Variants in MON2 observed in about 807,000 individuals in gnomAD.
MON2 encodes protein MON2 homolog.
A neutral mutation model predicts 208.6 loss-of-function variants in MON2; 84 were observed. The observed-to-expected ratio is 0.40, with a 90% CI of 0.34 to 0.48. The LOEUF (loss-of-function observed/expected upper bound fraction) is 0.48, where lower values mean the gene tolerates loss of function less well. Ranked by LOEUF, MON2 falls within the 20% of genes least tolerant of loss-of-function variation. The pLI is 0.59. For synonymous variants in MON2, 660 were observed against 694.0 expected, an observed-to-expected ratio of 0.95 and a Z score of 0.77; for missense variants, 1,611 against 2,015.4, an observed-to-expected ratio of 0.80 and a Z score of 3.84.
At chr12:62,509,597 C>G (rs1415115496) in intron 8 of MON2, among the ~76,000 whole-genome samples, 5 of 152,186 alleles carry the variant, frequency 3.3e-5, no homozygotes, top group African/African-American at 1.2e-4. Context: ...AATACACATT[C>G]TTTTCAAGTG....
intron 8 of MON2, among the ~76,000 whole-genome samples, chr12:62,521,750 C>G (rs963520368): frequency 2.6e-5 from 4 of 152,166 alleles, no homozygotes; most frequent in African/African-American, 9.7e-5. Context: ...GAATTTCTCA[C>G]TCATTAGGTA....
chr12:62,569,923 GA>G (rs2074525238), intron 29 of MON2, among the ~76,000 whole-genome samples: 1 of 152,192 alleles, frequency 6.6e-6, no homozygotes, highest in Non-Finnish European at 1.5e-5. Context: ...GGAAGATGAT[GA>G]TATTTGGTTT....
intron 2 of MON2, 39 bp downstream of exon 2, chr12:62,484,272 T>C (rs1026718745): frequency 7.7e-7 from 1 of 1,291,940 alleles, no homozygotes; most frequent in Admixed American, 2.0e-5. Context: ...TAAACAAAAA[T>C]TTGACTAATA....
Position 62,594,247 on chromosome 12 carries a change from A to C in MON2, c.*1498A>C, listed in dbSNP as rs1196448530. 1 of 152,168 alleles carries C rather than the reference A, an allele frequency of 6.6e-6. No individual in the cohort carries two copies. Among genetic ancestry groups the C allele is most frequent in the Non-Finnish European group, 1.5e-5 (1 of 67,988 alleles). The allele number at this position is 152,168 out of a possible 1,614,324, so 9.4% of individuals were successfully genotyped here. ...TTTCAGCTTCTCCAGAATAATCATAAAACTGCAAAAAGATATTATAATTGA... is the reference window on the plus strand; with the variant it reads ...TTTCAGCTTCTCCAGAATAATCATACAACTGCAAAAAGATATTATAATTGA... On this transcript the variant is annotated 3_prime_UTR_variant, in exon 35 of 35. Transcript: ENST00000393630.
At chr12:62,469,925 T>TATTTATTTATTTA (rs2068710316) in intron 1 of MON2, among the ~76,000 whole-genome samples, 1 of 137,964 alleles carries the variant, frequency 7.2e-6, no homozygotes, top group Non-Finnish European at 1.6e-5. Context: ...TTTATTTATT[T>TATTTATTTATTTA]GAGACAGGAT....
At chr12:62,517,320 A>G (rs1274455775) in intron 8 of MON2, among the ~76,000 whole-genome samples, 2 of 152,196 alleles carry the variant, frequency 1.3e-5, no homozygotes, top group Non-Finnish European at 2.9e-5. Context: ...TCTTCATAGT[A>G]ACAAATGCAA....
chr12:62,524,723 G>A, intron 9 of MON2, 84 bp downstream of exon 9: 2 of 1,306,878 alleles, frequency 1.5e-6, no homozygotes, highest in Non-Finnish European at 2.1e-6. Flanking sequence ...TAATAAACTA[G>A]TCAGAAGACT....
rs1002474569 is a variant in MON2, at chr12:62,556,122, G to A, written c.3339G>A (p.Glu1113=). The A allele has an allele frequency of 2.5e-6, 4 of 1,613,966 alleles. No individual in the cohort carries two copies. The African/African-American group carries it at 5.3e-5, about 22-fold the overall frequency. ...SRDTAEKQWA[E]TWVLTLAGVA... is the part of the protein sequence containing the mutation. Reference sequence around the variant, plus strand: ...ACACCGCCGAGAAGCAATGGGCTGAGACGTGGGTATTAACATTGGCTGGAG... The same window carrying A: ...ACACCGCCGAGAAGCAATGGGCTGAAACGTGGGTATTAACATTGGCTGGAG... The change falls in exon 25 of 35, where the codon GAG becomes GAA. Residue 1113 remains glutamate (E), a synonymous_variant. Coordinates refer to ENST00000393630, the MANE Select transcript of MON2 (RefSeq NM_015026.3).
Position 62,525,956 on chromosome 12 carries a change from T to C in MON2, c.1254T>C (p.Asn418=). 6.2e-7 allele frequency: 1 copy of C among 1,612,376 alleles called. No individual in the cohort carries two copies. Among genetic ancestry groups the C allele is most frequent in the Non-Finnish European group, 8.5e-7 (1 of 1,179,386 alleles). The change falls in exon 11 of 35, where the codon AAT becomes AAC. Residue 418 remains asparagine (N), a synonymous_variant. Transcript: ENST00000393630. Reference sequence around the variant, plus strand: ...TCCCTTCTTCTCTAACAGGAAACAATAATTTAGGTGGCTCAGTCTCAGCAC... The same window carrying C: ...TCCCTTCTTCTCTAACAGGAAACAACAATTTAGGTGGCTCAGTCTCAGCAC... ...NPATSNQAGN[N]NLGGSVSAPA...
At chr12:62,554,602 C>T (rs772667011) in intron 24 of MON2, among the ~76,000 whole-genome samples, 25 of 152,176 alleles carry the variant, frequency 1.6e-4, no homozygotes, top group South Asian at 4.1e-4. Flanking sequence ...TCAAGCGATC[C>T]TCCCACCTCA....
chr12:62,598,075 T>C lies in MON2; in HGVS notation c.*5326T>C, dbSNP rs2075562591. Reference sequence around the variant, plus strand: ...CATATTGCCCATGTATTTCAACTATTTTCATTTTTCTGTTGCAAAGCAGTC... The same window carrying C: ...CATATTGCCCATGTATTTCAACTATCTTCATTTTTCTGTTGCAAAGCAGTC... On this transcript the variant is annotated 3_prime_UTR_variant, in exon 35 of 35. Transcript: ENST00000393630. 6.6e-6 allele frequency: 1 copy of C among 152,176 alleles called. No homozygotes were observed. Among genetic ancestry groups the C allele is most frequent in the Non-Finnish European group, 1.5e-5 (1 of 68,032 alleles). The allele number at this position is 152,176 out of a possible 1,614,324, so 9.4% of individuals were successfully genotyped here. A position where few individuals can be genotyped will look rare whatever the true frequency, so the allele number is the denominator to read the frequency against.
At chr12:62,528,768 T>C (rs1476212204) in intron 11 of MON2, among the ~76,000 whole-genome samples, 1 of 152,220 alleles carries the variant, frequency 6.6e-6, no homozygotes, top group African/African-American at 2.4e-5. Context: ...TTATTTACGA[T>C]GTGGCTCTCA....
Position 62,560,867 on chromosome 12 carries a change from T to C in MON2, c.3786T>C (p.Asp1262=), listed in dbSNP as rs566050638. The change falls in exon 26 of 35, where the codon GAT becomes GAC. Residue 1262 remains aspartate, a synonymous_variant. Coordinates refer to ENST00000393630, the MANE Select transcript of MON2 (RefSeq NM_015026.3). ...SESTKPPITF[D]KLTFIPSQPF... ...GTACTAAGCCTCCTATTACTTTTGA[T>C]AAACTAACTTTTATTCCTAGCCAGC... 1.9e-6 allele frequency: 3 copies of C among 1,614,110 alleles called. No homozygotes were observed. The highest frequency in any genetic ancestry group is 2.2e-5 in the East Asian group (1 of 44,878).
In MON2 at chr12:62,538,190, T is replaced by A. The variant is rs1428173237; in HGVS notation, c.2199+14T>A. The A allele has an allele frequency of 1.2e-6, 2 of 1,612,866 alleles. No homozygotes were observed. Among genetic ancestry groups the A allele is most frequent in the Non-Finnish European group, 1.7e-6 (2 of 1,178,940 alleles). On this transcript the variant is annotated intron_variant, in intron 17 of 34. Transcript: ENST00000393630. The stretch of plus-strand genomic sequence containing the variant: ...GGACCCAGTACAGTAAGCTCTAGTC[T>A]TTCTTACCCAATTAGTGCATCCCAA...
At chr12:62,495,398 A>C (rs2070412215) in intron 4 of MON2, among the ~76,000 whole-genome samples, 1 of 152,148 alleles carries the variant, frequency 6.6e-6, no homozygotes. Context: ...GAAATGGAAA[A>C]AAGAGAGAAA....
At chr12:62,476,213 G>A (rs2069070433) in intron 1 of MON2, among the ~76,000 whole-genome samples, 1 of 152,128 alleles carries the variant, frequency 6.6e-6, no homozygotes, top group African/African-American at 2.4e-5. Flanking sequence ...ATAATTGAAT[G>A]TTACAGAAGA....
rs1286300533 is a variant in MON2, at chr12:62,593,414, G to C, written c.*665G>C. On this transcript the variant is annotated 3_prime_UTR_variant, in exon 35 of 35. Transcript: ENST00000393630. The stretch of plus-strand genomic sequence containing the variant: ...TATGTGGCGGATAAGCTCACCATAT[G>C]ATCATGCAGTTAGCTTCATGCTTAT... The C allele has an allele frequency of 2.0e-5, 3 of 152,450 alleles. No homozygotes were observed. The highest frequency in any genetic ancestry group is 4.4e-5 in the Non-Finnish European group (3 of 67,978). 9.4% of individuals were successfully genotyped at this position (152,450 alleles called of 1,614,324 possible).
chr12:62,504,245 CTT>C (rs71450586), intron 7 of MON2, among the ~76,000 whole-genome samples: 36 of 118,580 alleles, frequency 3.0e-4, no homozygotes, highest in Middle Eastern at 4.4e-3. Flanking sequence ...CTTTTCTTTT[CTT>C]TTTTTTTTTT....
Position 62,500,814 on chromosome 12 carries a change from A to G in MON2, c.597A>G (p.Gly199=). The G allele has an allele frequency of 6.3e-7, 1 of 1,597,280 alleles. No homozygotes were observed. The highest frequency in any genetic ancestry group is 8.5e-7 in the Non-Finnish European group (1 of 1,172,128). ...TAGAACAACCAGTACTGGTACAAGG[A>G]AATAGTAACAGAAGATCTGTCAGTA... ...DIIEQPVLVQ[G]NSNRRSVSTL... is the part of the protein sequence containing the mutation. The change falls in exon 6 of 35, where the codon GGA becomes GGG. Residue 199 remains glycine, a synonymous_variant. Coordinates refer to ENST00000393630, the MANE Select transcript of MON2 (RefSeq NM_015026.3).
Sources: gnomAD v4.1 joint callset for allele counts (sites outside exome capture counted in the v4.1 genomes callset) on GRCh38, gnomAD v4.1.1 for gene constraint, MANE v1.5 for transcripts, NCBI Gene and HGNC (gene_info 2026-07-23, HGNC 2026-07-21) for gene names.